Variants in NOTCH2 observed in about 807,000 individuals in gnomAD.
NOTCH2 encodes neurogenic locus notch homolog protein 2.
In NOTCH2, 29 loss-of-function variants were observed where a neutral mutation model predicts 235.8. That is an observed-to-expected ratio of 0.12 (90% confidence interval 0.09 to 0.17). The LOEUF (loss-of-function observed/expected upper bound fraction) is 0.17, where lower values mean the gene tolerates loss of function less well. Among genes scored for constraint, NOTCH2 ranks in the 10% least tolerant of loss-of-function variants. NOTCH2 has a pLI of 1.00. For missense variants in NOTCH2, 2,285 were observed against 3,150.2 expected (o/e 0.73, Z 6.57); for synonymous variants, 1,086 against 1,141.5 (o/e 0.95, Z 0.98).
intron 14 of NOTCH2, among the ~76,000 whole-genome samples, chr1:119,951,747 C>A (rs1650483026): frequency 6.6e-6 from 1 of 152,140 alleles, no homozygotes; most frequent in Non-Finnish European, 1.5e-5. Context: ...TGGCACAGAG[C>A]CTTAAAGTAG....
At chr1:119,943,660 A>G (rs781897648) in intron 17 of NOTCH2, among the ~76,000 whole-genome samples, 3 of 152,224 alleles carry the variant, frequency 2.0e-5, no homozygotes. Context: ...GATGTCTAGC[A>G]TCCAGTAAAA....
At position 119,929,051 on chromosome 1, in the gene NOTCH2, A is replaced by G; in HGVS notation, c.3817T>C (p.Cys1273Arg). Residue 1273 changes from cysteine (C) to arginine (R), a missense_variant, in exon 23 of 34, where the codon TGC becomes CGC. Around this residue, in one of 6 missense-constraint regions of NOTCH2, gnomAD observed 1,173 missense variants for 1,515.3 expected, o/e 0.77. Transcript: ENST00000256646. ...CAGTCCAGGCTGCCCTCAGAGCTGC[A>G]GGGGTTGGAGAGGCACTCGTTGATG... ...GDINECLSNP[C>R]SSEGSLDCIQ... 6.2e-7 allele frequency: 1 copy of G among 1,614,170 alleles called. No individual in the cohort carries two copies. The highest frequency in any genetic ancestry group is 8.5e-7 in the Non-Finnish European group (1 of 1,180,028).
At chr1:119,940,414 G>A in intron 19 of NOTCH2, 141 bp downstream of exon 19, 1 of 726,578 alleles carries the variant, frequency 1.4e-6, no homozygotes, top group Non-Finnish European at 2.4e-6. Context: ...AAGTTATTAA[G>A]AAGTTACCTA....
Position 119,915,093 on chromosome 1 carries a change from C to T in NOTCH2, c.*213G>A. The stretch of plus-strand genomic sequence containing the variant: ...TCATCTTGCATTTCCACAAACTTGT[C>T]TTATTAGATTAGAATAATCAATAAG... On this transcript the variant is annotated 3_prime_UTR_variant, in exon 34 of 34. Coordinates refer to ENST00000256646, the MANE Select transcript of NOTCH2 (RefSeq NM_024408.4). 1.7e-6 allele frequency: 1 copy of T among 597,772 alleles called. No individual in the cohort carries two copies. The highest frequency in any genetic ancestry group is 2.0e-5 in the South Asian group (1 of 50,820). 37.0% of individuals were successfully genotyped at this position (597,772 alleles called of 1,614,324 possible).
chr1:119,939,534 A>T (rs1039982717), intron 19 of NOTCH2, among the ~76,000 whole-genome samples: 37 of 152,258 alleles, frequency 2.4e-4, no homozygotes, highest in Non-Finnish European at 5.3e-4. Flanking sequence ...TAATAAGCCT[A>T]AAACCGTTTA....
intron 3 of NOTCH2, among the ~76,000 whole-genome samples, chr1:119,997,883 A>G (rs587705562): frequency 7.0e-6 from 1 of 143,594 alleles, no homozygotes; most frequent in African/African-American, 2.8e-5. Flanking sequence ...CTGAGGCAGA[A>G]GAATCACTTG....
intron 12 of NOTCH2, 70 bp from the exon 13 acceptor site, chr1:119,955,302 C>T (rs1020954075): frequency 2.4e-5 from 36 of 1,499,988 alleles, no homozygotes; most frequent in Non-Finnish European, 2.9e-5. Context: ...CTATAAGACA[C>T]GTTATGTTGA....
chr1:119,917,650 G>GCC lies in NOTCH2; in HGVS notation c.6027+13_6027+14dup. ...TGCTATGAGCCTCCTCAAGCTCAGA[G>GCC]CCCACAAACTGTACCTTGTTGTCCT... On this transcript the variant is annotated intron_variant, in intron 33 of 33. Coordinates refer to ENST00000256646, the MANE Select transcript of NOTCH2 (RefSeq NM_024408.4). 6.4e-7 allele frequency: 1 copy of GCC among 1,569,434 alleles called. No individual in the cohort carries two copies. Among genetic ancestry groups the GCC allele is most frequent in the Non-Finnish European group, 8.8e-7 (1 of 1,139,760 alleles).
chr1:119,937,415 C>T lies in NOTCH2; in HGVS notation c.3389G>A (p.Gly1130Asp), dbSNP rs1479513169. The T allele has an allele frequency of 6.2e-7, 1 of 1,614,056 alleles. No individual in the cohort carries two copies. The highest frequency in any genetic ancestry group is 8.5e-7 in the Non-Finnish European group (1 of 1,180,036). ...GGGGCACTGACAGTAATGCGTGTTG[C>T]CAGCATTGATGCAGACACCTGAGTG... ...CQHSGVCINA[G>D]NTHYCQCPLG... is the part of the protein sequence containing the mutation. The change falls in exon 21 of 34, where the codon GGC (glycine) becomes GAC (aspartate). Residue 1130 changes from glycine (G) to aspartate (D), a missense_variant. Physicochemically the swap from Gly to Asp is moderately conservative, Grantham distance 94. Around this residue, in one of 6 missense-constraint regions of NOTCH2, gnomAD observed 1,173 missense variants for 1,515.3 expected, o/e 0.77. Transcript: ENST00000256646.
intron 17 of NOTCH2, among the ~76,000 whole-genome samples, chr1:119,946,513 TTAAA>T (rs1423855775): frequency 2.6e-5 from 4 of 152,160 alleles, no homozygotes; most frequent in Admixed American, 2.6e-4. Context: ...TTGCAAAATG[TTAAA>T]TAAAGTTGAT....
chr1:119,931,370 T>G (rs1553195085), intron 22 of NOTCH2, among the ~76,000 whole-genome samples: 1 of 152,080 alleles, frequency 6.6e-6, no homozygotes, highest in African/African-American at 2.4e-5. Flanking sequence ...TACCAGGATT[T>G]GGTTAGCAAG....
intron 17 of NOTCH2, among the ~76,000 whole-genome samples, chr1:119,943,194 C>G (rs1366409213): frequency 6.6e-6 from 1 of 152,064 alleles, no homozygotes; most frequent in Admixed American, 6.5e-5. Flanking sequence ...AGCATGGTGG[C>G]CTCTATATGA....
intron 12 of NOTCH2, among the ~76,000 whole-genome samples, chr1:119,958,342 C>T (rs995083208): frequency 1.2e-4 from 18 of 152,330 alleles, no homozygotes; most frequent in African/African-American, 4.1e-4. Flanking sequence ...CTAATGTCCA[C>T]AATCATACCA....
chr1:119,961,737 C>T (rs781874036), intron 11 of NOTCH2, among the ~76,000 whole-genome samples: 9 of 152,296 alleles, frequency 5.9e-5, no homozygotes, highest in South Asian at 2.1e-4. Context: ...GATGAGAGAA[C>T]GCACTGAAGG....
chr1:119,953,329 T>C (rs1650558211), intron 14 of NOTCH2, among the ~76,000 whole-genome samples: 1 of 147,550 alleles, frequency 6.8e-6, no homozygotes, highest in Non-Finnish European at 1.5e-5. Context: ...AAAAAAAAAT[T>C]ACTATTTCAA....
Position 119,913,277 on chromosome 1 carries a change from CA to C in NOTCH2, c.*2028del, listed in dbSNP as rs1265025104. On this transcript the variant is annotated 3_prime_UTR_variant, in exon 34 of 34. Coordinates refer to ENST00000256646, the MANE Select transcript of NOTCH2 (RefSeq NM_024408.4). ...GCAGAAGTAATTATTTTTGTTGGTT[CA>C]ATAAATTTGGATAGGACTGAAAAAA... 8.6e-5 allele frequency: 20 copies of C among 233,060 alleles called. No individual in the cohort carries two copies. In the Admixed American group the frequency reaches 1.1e-3, roughly 13 times the overall value. 14.4% of individuals were successfully genotyped at this position (233,060 alleles called of 1,614,324 possible). A position where few individuals can be genotyped will look rare whatever the true frequency, so the allele number is the denominator to read the frequency against.
chr1:119,937,607 G>T, intron 20 of NOTCH2, 141 bp from the exon 21 acceptor site: 1 of 848,526 alleles, frequency 1.2e-6, no homozygotes, highest in Non-Finnish European at 1.9e-6. Flanking sequence ...CTCAGTACCA[G>T]ATGCATATTA....
At chr1:119,921,439 CTGACT>C (rs1210756565) in intron 29 of NOTCH2, among the ~76,000 whole-genome samples, 1 of 152,208 alleles carries the variant, frequency 6.6e-6, no homozygotes, top group African/African-American at 2.4e-5. Context: ...CACACCATTC[CTGACT>C]TGACTACTGC....
intron 9 of NOTCH2, among the ~76,000 whole-genome samples, chr1:119,966,080 C>A (rs1282410285): frequency 1.3e-5 from 2 of 152,122 alleles, no homozygotes; most frequent in Non-Finnish European, 2.9e-5. Context: ...AAAATAAAAT[C>A]CCGAATAGCC....
Sources: allele counts gnomAD v4.1 joint callset (sites outside exome capture counted in the v4.1 genomes callset), GRCh38; gene constraint gnomAD v4.1.1; regional missense constraint gnomAD v4.1.1; transcripts MANE v1.5; gene names NCBI Gene and HGNC (gene_info 2026-07-23, HGNC 2026-07-21).